The following TG variants were observed in gnomAD, a reference collection of about 807,000 sequenced individuals.
TG encodes the protein thyroglobulin.
TG carries 270 observed loss-of-function variants against 324.7 expected under a neutral mutation model. The observed-to-expected ratio is 0.83, with a 90% confidence interval of 0.75 to 0.92. The LOEUF (loss-of-function observed/expected upper bound fraction) is 0.92. Among genes scored for constraint, TG ranks in the 40% least tolerant of loss-of-function variants. The pLI is 0.00. For missense variants in TG, 3,591 were observed against 3,456.4 expected, an observed-to-expected ratio of 1.04 and a Z score of -0.98; for synonymous variants, 1,401 against 1,327.0, an observed-to-expected ratio of 1.06 and a Z score of -1.21.
intron 41 of TG, among the ~76,000 whole-genome samples, chr8:133,057,668 C>G (rs1841690387): frequency 2.0e-5 from 3 of 151,902 alleles, no homozygotes; most frequent in Non-Finnish European, 4.4e-5. Flanking sequence ...GAAACTTGCT[C>G]TATTTCCCTC....
At chr8:132,925,275 AC>A (rs1369269497) in intron 22 of TG, among the ~76,000 whole-genome samples, 2 of 152,188 alleles carry the variant, frequency 1.3e-5, no homozygotes, top group African/African-American at 2.4e-5. Flanking sequence ...ATGTCAAACC[AC>A]CAAACCTTTG....
At chr8:132,900,615 C>T (rs1464167333) in intron 15 of TG, among the ~76,000 whole-genome samples, 1 of 152,232 alleles carries the variant, frequency 6.6e-6, no homozygotes, top group Non-Finnish European at 1.5e-5. Flanking sequence ...AAAGGGGGCC[C>T]TAGGGCTTTG....
chr8:132,965,018 T>C, intron 29 of TG: 8 of 678,168 alleles, frequency 1.2e-5, no homozygotes, highest in Non-Finnish European at 2.1e-5. Flanking sequence ...CCTGCTGCCT[T>C]GTTTCTCTTC....
chr8:132,983,539 A>G (rs1831165273), intron 35 of TG, 127 bp downstream of exon 35: 1 of 980,354 alleles, frequency 1.0e-6, no homozygotes, highest in Non-Finnish European at 1.6e-6. Context: ...TCCAGCTCCT[A>G]TGAATTAAAC....
chr8:133,000,783 G>A (rs2130827539), intron 35 of TG, among the ~76,000 whole-genome samples: 1 of 152,328 alleles, frequency 6.6e-6, no homozygotes, highest in South Asian at 2.1e-4. Context: ...GGGCAGAGCA[G>A]GCCCTCTGTA....
chr8:133,075,104 C>T, intron 41 of TG: 2 of 985,434 alleles, frequency 2.0e-6, no homozygotes, highest in Non-Finnish European at 2.4e-6. Context: ...TCAGTAACCA[C>T]TCTGAGCAAG....
intron 34 of TG, among the ~76,000 whole-genome samples, chr8:132,979,090 G>A (rs1830515477): frequency 6.6e-6 from 1 of 152,168 alleles, no homozygotes; most frequent in African/African-American, 2.4e-5. Flanking sequence ...TAGAGCCAGA[G>A]AGGAACTGTT....
chr8:132,939,266 C>G (rs770948006), intron 25 of TG, among the ~76,000 whole-genome samples: 3 of 152,122 alleles, frequency 2.0e-5, no homozygotes, highest in Non-Finnish European at 4.4e-5. Context: ...GCAATATTAA[C>G]TTTGATTAAC....
At chr8:132,995,338 C>T (rs1310971976) in intron 35 of TG, 16 of 985,200 alleles carry the variant, frequency 1.6e-5, no homozygotes, top group Middle Eastern at 1.0e-3. Flanking sequence ...GCAGCAGCTG[C>T]TCCTGCTCCT....
At chr8:133,065,981 G>A (rs1842979054) in intron 41 of TG, among the ~76,000 whole-genome samples, 1 of 152,078 alleles carries the variant, frequency 6.6e-6, no homozygotes, top group Non-Finnish European at 1.5e-5. Flanking sequence ...AGAAACAAGA[G>A]AGCGAGGCCA....
intron 21 of TG, among the ~76,000 whole-genome samples, chr8:132,920,722 G>C (rs954067147): frequency 3.3e-5 from 5 of 152,226 alleles, no homozygotes; most frequent in African/African-American, 4.8e-5. Flanking sequence ...CACAGGTTGA[G>C]GCTTGCACCA....
At chr8:133,040,112 C>T (rs1327061405) in intron 41 of TG, 2 of 1,575,630 alleles carry the variant, frequency 1.3e-6, no homozygotes, top group Non-Finnish European at 1.7e-6. Context: ...GAGCACACAG[C>T]ACAGGCCATC....
At chr8:132,973,509 GA>G (rs1829805220) in intron 34 of TG, among the ~76,000 whole-genome samples, 1 of 152,194 alleles carries the variant, frequency 6.6e-6, no homozygotes, top group Admixed American at 6.5e-5. Flanking sequence ...CCTGGACTCA[GA>G]TAAGGAGACA....
chr8:132,884,904 A>G (rs1187389644), intron 8 of TG, among the ~76,000 whole-genome samples: 1 of 152,260 alleles, frequency 6.6e-6, no homozygotes, highest in Non-Finnish European at 1.5e-5. Flanking sequence ...AATTTGGAAG[A>G]AGACTAAGCA....
Position 132,949,070 on chromosome 8 carries a change from C to T in TG, c.5401+127C>T, listed in dbSNP as rs1041593644. 3.0e-5 allele frequency: 24 copies of T among 788,364 alleles called. 1 individual carries two copies. The highest frequency in any genetic ancestry group is 4.7e-5 in the Non-Finnish European group (23 of 491,650). 48.8% of individuals were successfully genotyped at this position (788,364 alleles called of 1,614,324 possible). The stretch of plus-strand genomic sequence containing the variant: ...TATACTTCTGAAAAAAAAAAAAAAA[C>T]TTTACCAATCATACTGGATGGAAAC... On this transcript the variant is annotated intron_variant, in intron 27 of 47. Transcript: ENST00000220616.
At chr8:133,055,489 A>G (rs1173745268) in intron 41 of TG, among the ~76,000 whole-genome samples, 1 of 152,012 alleles carries the variant, frequency 6.6e-6, no homozygotes, top group East Asian at 1.9e-4. Context: ...GCGGGTCACC[A>G]TGAACCAGGC....
intron 41 of TG, chr8:133,074,874 C>A: frequency 3.6e-5 from 35 of 985,594 alleles, no homozygotes; most frequent in Non-Finnish European, 4.2e-5. Context: ...GGGCATGACT[C>A]CTGTGGGAGC....
intron 41 of TG, among the ~76,000 whole-genome samples, chr8:133,084,486 T>C (rs938295117): frequency 2.0e-5 from 3 of 152,240 alleles, no homozygotes; most frequent in African/African-American, 7.2e-5. Context: ...CTATCACTCA[T>C]GGTGTCACTT....
chr8:133,074,500 G>A (rs1161573676), intron 41 of TG, among the ~76,000 whole-genome samples: 1 of 152,202 alleles, frequency 6.6e-6, no homozygotes, highest in Non-Finnish European at 1.5e-5. Context: ...GGTCTGGAGA[G>A]GTTTAAATGA....
Sources: allele counts gnomAD v4.1 joint callset (sites outside exome capture counted in the v4.1 genomes callset), GRCh38; gene constraint gnomAD v4.1.1; transcripts MANE v1.5; gene names NCBI Gene and HGNC (gene_info 2026-07-23, HGNC 2026-07-21).